The following CTNNBIP1 variants were observed in gnomAD, a reference collection of about 807,000 sequenced individuals.
The protein encoded by CTNNBIP1 is beta-catenin-interacting protein 1.
Under a neutral mutation model 11.8 loss-of-function variants are expected in CTNNBIP1, and 7 were observed. The ratio of observed to expected loss-of-function variants is 0.60; its 90% CI spans 0.34 to 1.12. The LOEUF (loss-of-function observed/expected upper bound fraction) is 1.12. Ranked by LOEUF, CTNNBIP1 falls within the 50% of genes most tolerant of loss-of-function variation. CTNNBIP1 has a pLI of 0.03. For missense variants in CTNNBIP1, 101 were observed against 113.4 expected, an observed-to-expected ratio of 0.89 and a Z score of 0.50; for synonymous variants, 58 against 43.9, an observed-to-expected ratio of 1.32 and a Z score of -1.26.
chr1:9,884,722 T>A (rs1189594022), intron 1 of CTNNBIP1, among the ~76,000 whole-genome samples: 1 of 152,096 alleles, frequency 6.6e-6, no homozygotes, highest in African/African-American at 2.4e-5. Context: ...ACACGAGTGA[T>A]GGGGAAATCC....
chr1:9,854,805 T>C (rs1206943929), intron 5 of CTNNBIP1, among the ~76,000 whole-genome samples: 1 of 152,008 alleles, frequency 6.6e-6, no homozygotes, highest in Non-Finnish European at 1.5e-5. Flanking sequence ...ACCTCCCGAG[T>C]AGCTGGGACT....
chr1:9,905,828 T>C (rs12723693), intron 1 of CTNNBIP1, among the ~76,000 whole-genome samples: 1 of 152,202 alleles, frequency 6.6e-6, no homozygotes, highest in Admixed American at 6.5e-5. Flanking sequence ...TTAAAGACCG[T>C]GTTCTTGGCT....
chr1:9,855,725 CTTTTTTTT>C (rs528824089), intron 5 of CTNNBIP1, among the ~76,000 whole-genome samples: 1 of 133,766 alleles, frequency 7.5e-6, no homozygotes, highest in Non-Finnish European at 1.6e-5. Flanking sequence ...TTAGGAAATG[CTTTTTTTT>C]TTTTTTTTTT....
At chr1:9,892,115 A>G (rs1557762889) in intron 1 of CTNNBIP1, among the ~76,000 whole-genome samples, 1 of 152,096 alleles carries the variant, frequency 6.6e-6, no homozygotes, top group Non-Finnish European at 1.5e-5. Flanking sequence ...TTCTACAAAA[A>G]ATCTTTAAAA....
intron 1 of CTNNBIP1, among the ~76,000 whole-genome samples, chr1:9,908,774 TTAAAA>T (rs1399795554): frequency 6.6e-6 from 1 of 152,208 alleles, no homozygotes; most frequent in Non-Finnish European, 1.5e-5. Context: ...TTCCTCCTCT[TTAAAA>T]TGTCATCTCT....
chr1:9,902,468 G>A (rs1275096297), intron 1 of CTNNBIP1, among the ~76,000 whole-genome samples: 1 of 152,208 alleles, frequency 6.6e-6, no homozygotes, highest in Non-Finnish European at 1.5e-5. Flanking sequence ...CTCCTGAGGT[G>A]TGCACTGTTT....
rs539419233 is a variant in CTNNBIP1 at position 9,871,146 on chromosome 1, G to A, written c.187+41C>T. The A allele has an allele frequency of 1.2e-5, 17 of 1,446,152 alleles. No homozygotes were observed. Among genetic ancestry groups the A allele is most frequent in the African/African-American group, 2.8e-5 (2 of 71,334 alleles). The allele number at this position is 1,446,152 out of a possible 1,614,324, so 89.6% of individuals were successfully genotyped here. ...AGGGAACCACAAGTCGGTGCCCCTG[G>A]GACTTGTGCCACTGCCCCAGCCCCT... On this transcript the variant is annotated intron_variant, in intron 5 of 5. Coordinates refer to ENST00000377263, the MANE Select transcript of CTNNBIP1 (RefSeq NM_020248.3). This position sits in a 1 kb window ranked among gnomAD's most constrained non-coding sequence, Gnocchi z 5.2.
At chr1:9,854,779 C>T (rs1219472929) in intron 5 of CTNNBIP1, among the ~76,000 whole-genome samples, 3 of 152,118 alleles carry the variant, frequency 2.0e-5, no homozygotes, top group Non-Finnish European at 4.4e-5. Flanking sequence ...CAGGCTCAAG[C>T]AATCCTACCA....
chr1:9,869,048 G>A (rs1638804816), intron 5 of CTNNBIP1, among the ~76,000 whole-genome samples: 1 of 152,216 alleles, frequency 6.6e-6, no homozygotes, highest in African/African-American at 2.4e-5. Flanking sequence ...TGCCCAGGCT[G>A]GGGTGCAGTG....
Position 9,849,596 on chromosome 1 carries a change from T to C in CTNNBIP1, c.*1122A>G, listed in dbSNP as rs1638332199. On this transcript the variant is annotated 3_prime_UTR_variant, in exon 6 of 6. Coordinates refer to ENST00000377263, the MANE Select transcript of CTNNBIP1 (RefSeq NM_020248.3). ...TCCCAGAGACCTCCGCCAGATGACC[T>C]CCAGAGTCTTTGGGGTCTCACACTG... 6.6e-6 allele frequency: 1 copy of C among 152,148 alleles called. No individual in the cohort carries two copies. Among genetic ancestry groups the C allele is most frequent in the African/African-American group, 2.4e-5 (1 of 41,438 alleles). The allele number at this position is 152,148 out of a possible 1,614,324, so 9.4% of individuals were successfully genotyped here. A position where few individuals can be genotyped will look rare whatever the true frequency, so the allele number is the denominator to read the frequency against.
intron 1 of CTNNBIP1, among the ~76,000 whole-genome samples, chr1:9,895,186 C>T (rs1234467123): frequency 6.6e-6 from 1 of 151,870 alleles, no homozygotes; most frequent in Non-Finnish European, 1.5e-5. Context: ...GGATTACAGG[C>T]ATGAGCCACT....
At chr1:9,853,852 C>T (rs1032187021) in intron 5 of CTNNBIP1, among the ~76,000 whole-genome samples, 10 of 152,172 alleles carry the variant, frequency 6.6e-5, no homozygotes, top group African/African-American at 2.4e-4. Context: ...AAGAGAACTA[C>T]AGATGAGTAT....
At chr1:9,865,940 C>T (rs1441646982) in intron 5 of CTNNBIP1, among the ~76,000 whole-genome samples, 1 of 152,242 alleles carries the variant, frequency 6.6e-6, no homozygotes. Flanking sequence ...CCCATTCCTG[C>T]AGCTGCCCCT....
In CTNNBIP1 at chr1:9,872,244, C is replaced by T. The variant is rs1638878572; in HGVS notation, c.-24-156G>A. On this transcript the variant is annotated intron_variant, in intron 3 of 5. Transcript: ENST00000377263. The surrounding 1 kb of genome is among the most constrained non-coding windows in gnomAD (Gnocchi z 4.0). ...GGGCAGGTGGCGAGGTGCTGGGTTCCTTTCTCACCCATGCTGGTCCCAGCA... is the reference window on the plus strand; with the variant it reads ...GGGCAGGTGGCGAGGTGCTGGGTTCTTTTCTCACCCATGCTGGTCCCAGCA... Among the ~76,000 whole-genome samples, 1 of 152,218 alleles carries T rather than the reference C, an allele frequency of 6.6e-6. No individual in the cohort carries two copies. The highest frequency in any genetic ancestry group is 2.4e-5 in the African/African-American group (1 of 41,464).
At chr1:9,892,358 C>G (rs1639321970) in intron 1 of CTNNBIP1, among the ~76,000 whole-genome samples, 4 of 150,246 alleles carry the variant, frequency 2.7e-5, no homozygotes, top group Non-Finnish European at 5.9e-5. Flanking sequence ...GGAGGCAGAG[C>G]TTGGAGTGAG....
intron 1 of CTNNBIP1, among the ~76,000 whole-genome samples, chr1:9,899,137 G>A (rs1320555144): frequency 1.3e-5 from 2 of 152,148 alleles, no homozygotes; most frequent in African/African-American, 4.8e-5. Context: ...GGCTGACTAA[G>A]AGATGGTTCA....
At chr1:9,910,008 A>G (rs1467677155) in intron 1 of CTNNBIP1, 87 bp downstream of exon 1, 3 of 150,364 alleles carry the variant, frequency 2.0e-5, no homozygotes, top group Non-Finnish European at 4.4e-5. Context: ...CCTCCCCGGC[A>G]GACAAAGGGC....
intron 1 of CTNNBIP1, among the ~76,000 whole-genome samples, chr1:9,894,361 GGTTTT>G (rs1195883075): frequency 6.6e-6 from 1 of 152,128 alleles, no homozygotes; most frequent in Non-Finnish European, 1.5e-5. Flanking sequence ...TTGTTTGTTT[GGTTTT>G]GTTTTTTGAA....
intron 1 of CTNNBIP1, among the ~76,000 whole-genome samples, chr1:9,892,210 CAGG>C (rs1406723023): frequency 1.3e-5 from 2 of 151,912 alleles, no homozygotes; most frequent in Non-Finnish European, 2.9e-5. Flanking sequence ...ATCATGAGGT[CAGG>C]AGATCAAGAC....
Sources: allele counts gnomAD v4.1 joint callset (sites outside exome capture counted in the v4.1 genomes callset), GRCh38; gene constraint gnomAD v4.1.1; non-coding constraint Gnocchi (gnomAD v3.1); transcripts MANE v1.5; gene names NCBI Gene and HGNC (gene_info 2026-07-23, HGNC 2026-07-21).